Variants in MMD observed in about 807,000 individuals in gnomAD.
MMD encodes the protein monocyte to macrophage differentiation associated, also known as monocyte to macrophage differentiation factor.
MMD carries 22 observed loss-of-function variants against 33.6 expected under a neutral mutation model. The observed-to-expected ratio is 0.66, with a 90% confidence interval of 0.47 to 0.94. MMD has a LOEUF of 0.94. Ranked by LOEUF, MMD falls within the 40% of genes least tolerant of loss-of-function variation. The pLI, the probability that MMD is intolerant of heterozygous loss-of-function variation, is 0.00. For missense variants in MMD, 242 were observed against 309.8 expected (o/e 0.78, Z 1.64); for synonymous variants, 97 against 103.2 (o/e 0.94, Z 0.36).
intron 6 of MMD, among the ~76,000 whole-genome samples, chr17:55,399,117 T>C (rs1907232263): frequency 6.6e-6 from 1 of 152,218 alleles, no homozygotes; most frequent in South Asian, 2.1e-4. Context: ...TGCTGTTCTC[T>C]GGGCTTTACC....
intron 4 of MMD, chr17:55,404,778 A>C: frequency 2.0e-6 from 2 of 984,938 alleles, no homozygotes; most frequent in Middle Eastern, 1.0e-3. Flanking sequence ...AATACATGAG[A>C]AGTTCAGGAA....
intron 6 of MMD, among the ~76,000 whole-genome samples, chr17:55,396,284 G>A (rs1178055834): frequency 1.3e-5 from 2 of 151,962 alleles, no homozygotes; most frequent in Non-Finnish European, 2.9e-5. Context: ...TCTTCACAAC[G>A]ACCCTAAATT....
intron 6 of MMD, among the ~76,000 whole-genome samples, chr17:55,398,126 A>AG (rs772825942): frequency 0.02 from 2,480 of 125,852 alleles, 38 homozygotes; most frequent in Non-Finnish European, 0.032. Context: ...AAAAAAAAAA[A>AG]AAAGAAAAGA....
Position 55,414,197 on chromosome 17 carries a change from T to C in MMD, c.62A>G (p.Tyr21Cys). The C allele has an allele frequency of 6.2e-7, 1 of 1,613,932 alleles. No homozygotes were observed. The highest frequency in any genetic ancestry group is 8.5e-7 in the Non-Finnish European group (1 of 1,179,824). The change falls in exon 2 of 7, where the codon TAC becomes TGC. Residue 21 changes from tyrosine (Y) to cysteine (C), a missense_variant. Physicochemically the swap from Tyr to Cys is radical, Grantham distance 194. Transcript: ENST00000262065. ...AGCATGTTCATAGCAAGTTGGCTTG[T>C]AGCGGCCATTGGCTGGAGCTCGATG... ...MNHRAPANGR[Y>C]KPTCYEHAAN...
chr17:55,398,198 A>AT (rs1907195866), intron 6 of MMD, among the ~76,000 whole-genome samples: 1 of 150,748 alleles, frequency 6.6e-6, no homozygotes, highest in East Asian at 1.9e-4. Flanking sequence ...TCTTTTGTTC[A>AT]TTTTTAAATC....
chr17:55,402,574 A>G (rs1414412081), intron 5 of MMD, among the ~76,000 whole-genome samples: 1 of 152,244 alleles, frequency 6.6e-6, no homozygotes, highest in Non-Finnish European at 1.5e-5. Context: ...TGAATGGCCA[A>G]GGGTGACTCA....
intron 1 of MMD, among the ~76,000 whole-genome samples, chr17:55,419,136 TA>T (rs1220283978): frequency 6.6e-6 from 1 of 152,270 alleles, no homozygotes; most frequent in Non-Finnish European, 1.5e-5. Context: ...TAAACCTATT[TA>T]CTCTTCTATT....
chr17:55,409,112 G>A (rs1907665131), intron 3 of MMD, among the ~76,000 whole-genome samples: 1 of 152,150 alleles, frequency 6.6e-6, no homozygotes, highest in Admixed American at 6.5e-5. Flanking sequence ...GAGAAAGAAT[G>A]GGTTTCAGTC....
chr17:55,397,318 C>T (rs545890205), intron 6 of MMD, among the ~76,000 whole-genome samples: 14 of 151,984 alleles, frequency 9.2e-5, no homozygotes, highest in African/African-American at 2.9e-4. Flanking sequence ...CCCACCACCA[C>T]GCCCAGCTAA....
intron 1 of MMD, chr17:55,420,612 T>A (rs943326104): frequency 6.6e-6 from 1 of 152,174 alleles, no homozygotes; most frequent in Admixed American, 6.5e-5. Flanking sequence ...TACTTTAAAA[T>A]TCTGAAATAA....
chr17:55,394,090 C>T lies in MMD; in HGVS notation c.*244G>A, dbSNP rs1414626957. The T allele has an allele frequency of 3.1e-6, 1 of 326,204 alleles. No homozygotes were observed. Among genetic ancestry groups the T allele is most frequent in the East Asian group, 4.8e-5 (1 of 20,682 alleles). 20.2% of individuals were successfully genotyped at this position (326,204 alleles called of 1,614,324 possible). On this transcript the variant is annotated 3_prime_UTR_variant, in exon 7 of 7. Coordinates refer to ENST00000262065, the MANE Select transcript of MMD (RefSeq NM_012329.3). ...GTCTGGTTTGTAAACATCAGTTGGC[C>T]AAGTCTATTCAGAGTCCTTCATGAT...
At chr17:55,417,805 AAAC>A (rs778000240) in intron 1 of MMD, among the ~76,000 whole-genome samples, 4 of 152,168 alleles carry the variant, frequency 2.6e-5, no homozygotes, top group Non-Finnish European at 5.9e-5. Flanking sequence ...TCTCAAAAAC[AAAC>A]AACAACAAAA....
At position 55,393,124 on chromosome 17, in the gene MMD, A is replaced by C. The variant is rs1330865990; in HGVS notation, c.*1210T>G. ...AACTATTAACAACATGTTAATCTTAATATAAGACACTGAGAGAAAAGTAAA... is the reference window on the plus strand; with the variant it reads ...AACTATTAACAACATGTTAATCTTACTATAAGACACTGAGAGAAAAGTAAA... On this transcript the variant is annotated 3_prime_UTR_variant, in exon 7 of 7. Transcript: ENST00000262065. 6.6e-6 allele frequency: 1 copy of C among 152,184 alleles called. No homozygotes were observed. Among genetic ancestry groups the C allele is most frequent in the African/African-American group, 2.4e-5 (1 of 41,450 alleles). 9.4% of individuals were successfully genotyped at this position (152,184 alleles called of 1,614,324 possible).
intron 2 of MMD, among the ~76,000 whole-genome samples, chr17:55,412,812 T>C (rs1907815559): frequency 6.6e-6 from 1 of 152,164 alleles, no homozygotes. Context: ...TTTAAGTACA[T>C]TTAAGTACAA....
rs1263045646 is a variant in MMD at position 55,411,420 on chromosome 17, G to A, written c.109-3C>T. On this transcript the variant is annotated splice_region_variant and splice_polypyrimidine_tract_variant and intron_variant, in intron 2 of 6. Transcript: ENST00000262065. ...ACGATGGCCGGAACAATGAGGAACT[G>A]AGGGAAAGATAAAGAATGGTGAATG... is the stretch of plus-strand genomic sequence containing the variant. 1 of 1,608,058 alleles carries A rather than the reference G, an allele frequency of 6.2e-7. No homozygotes were observed. Among genetic ancestry groups the A allele is most frequent in the Non-Finnish European group, 8.5e-7 (1 of 1,178,292 alleles).
In MMD at chr17:55,394,197, T is replaced by C; in HGVS notation, c.*137A>G. 1 of 655,920 alleles carries C rather than the reference T, an allele frequency of 1.5e-6. No individual in the cohort carries two copies. The highest frequency in any genetic ancestry group is 3.1e-5 in the East Asian group (1 of 32,586). 40.6% of individuals were successfully genotyped at this position (655,920 alleles called of 1,614,324 possible). A position where few individuals can be genotyped will look rare whatever the true frequency, so the allele number is the denominator to read the frequency against. On this transcript the variant is annotated 3_prime_UTR_variant, in exon 7 of 7. Transcript: ENST00000262065. Reference sequence around the variant, plus strand: ...AATTCCAGAACACAGCCTTTATACTTTCACAGTAATTATATTCAAAAGATA... The same window carrying C: ...AATTCCAGAACACAGCCTTTATACTCTCACAGTAATTATATTCAAAAGATA...
intron 4 of MMD, 43 bp downstream of exon 4, chr17:55,407,703 T>C: frequency 1.3e-6 from 2 of 1,550,136 alleles, no homozygotes; most frequent in Non-Finnish European, 1.8e-6. Context: ...GGAATTCTAA[T>C]CATAAAATCA....
chr17:55,397,821 G>A (rs573850714), intron 6 of MMD, among the ~76,000 whole-genome samples: 4 of 152,184 alleles, frequency 2.6e-5, no homozygotes, highest in East Asian at 1.9e-4. Flanking sequence ...GATTACATGC[G>A]TGAGCCACAG....
At chr17:55,400,951 A>G (rs1340118603) in intron 6 of MMD, among the ~76,000 whole-genome samples, 1 of 152,166 alleles carries the variant, frequency 6.6e-6, no homozygotes, top group Non-Finnish European at 1.5e-5. Flanking sequence ...AGAAAACAGA[A>G]CAAACAAACA....
Sources: allele counts gnomAD v4.1 joint callset (sites outside exome capture counted in the v4.1 genomes callset), GRCh38; gene constraint gnomAD v4.1.1; transcripts MANE v1.5; gene names NCBI Gene and HGNC (gene_info 2026-07-23, HGNC 2026-07-21).